ZFAT: variants seen among roughly 807,000 people sequenced by gnomAD.
ZFAT encodes zinc finger protein ZFAT.
ZFAT carries 64 observed loss-of-function variants against 117.7 expected under a neutral mutation model. The observed-to-expected ratio is 0.54, with a 90% CI of 0.44 to 0.67. The LOEUF is 0.67. Ranked by LOEUF, ZFAT falls within the 30% of genes least tolerant of loss-of-function variation. The pLI, the probability that ZFAT is intolerant of heterozygous loss-of-function variation, is 0.00. For synonymous variants in ZFAT, 679 were observed against 615.0 expected, an observed-to-expected ratio of 1.10 and a Z score of -1.54; for missense variants, 1,433 against 1,584.5, an observed-to-expected ratio of 0.90 and a Z score of 1.62.
At chr8:134,770,705 C>A in the ZFAT span, among the ~76,000 whole-genome samples, 1 of 152,332 alleles carries the variant, frequency 6.6e-6, no homozygotes, top group South Asian at 2.1e-4. Context: ...AGCCATATTT[C>A]TCTTCTTTCA....
At chr8:134,526,276 T>C (rs1157969652) in intron 12 of ZFAT, among the ~76,000 whole-genome samples, 2 of 152,212 alleles carry the variant, frequency 1.3e-5, no homozygotes, top group Non-Finnish European at 2.9e-5. Context: ...CTTCAGCCTT[T>C]GCCACAGTGA....
At chr8:134,733,277 A>C in the ZFAT span, among the ~76,000 whole-genome samples, 6 of 152,220 alleles carry the variant, frequency 3.9e-5, no homozygotes, top group Admixed American at 2.6e-4. Context: ...GGGAAGAAGC[A>C]CAGCTTCTCA....
At chr8:134,505,748 C>G (rs1198736560) in intron 15 of ZFAT, among the ~76,000 whole-genome samples, 1 of 152,266 alleles carries the variant, frequency 6.6e-6, no homozygotes, top group East Asian at 1.9e-4. Context: ...GAATCTTTCC[C>G]AGAAACACTG....
intron 1 of ZFAT, among the ~76,000 whole-genome samples, chr8:134,677,321 T>C (rs866752725): frequency 1.3e-5 from 2 of 152,236 alleles, no homozygotes; most frequent in African/African-American, 4.8e-5. Context: ...AACACCTCTA[T>C]GCAAATAAAC....
chr8:134,532,761 G>A, intron 12 of ZFAT, 73 bp downstream of exon 12: 1 of 1,562,570 alleles, frequency 6.4e-7, no homozygotes, highest in South Asian at 1.2e-5. Context: ...CAGGATGTCA[G>A]CAGCTCTTCC....
intron 12 of ZFAT, among the ~76,000 whole-genome samples, chr8:134,525,554 T>C (rs1820967223): frequency 6.6e-6 from 1 of 152,234 alleles, no homozygotes; most frequent in Non-Finnish European, 1.5e-5. Flanking sequence ...GCAGTTTTGA[T>C]GCGCTCAATC....
At chr8:134,634,767 T>C (rs1830103464) in intron 3 of ZFAT, among the ~76,000 whole-genome samples, 1 of 152,176 alleles carries the variant, frequency 6.6e-6, no homozygotes, top group Admixed American at 6.5e-5. Context: ...GTGAGGGTCT[T>C]GAACATGCAG....
intron 6 of ZFAT, 46 bp downstream of exon 6, chr8:134,601,431 A>G: frequency 6.4e-7 from 1 of 1,553,164 alleles, no homozygotes; most frequent in South Asian, 1.2e-5. Context: ...TGACCACAGC[A>G]TGATGGTTGT....
At chr8:134,657,289 C>T (rs921316078) in intron 2 of ZFAT, among the ~76,000 whole-genome samples, 29 of 152,324 alleles carry the variant, frequency 1.9e-4, no homozygotes, top group Non-Finnish European at 2.6e-4. Context: ...CTGGGTTAAA[C>T]CCACACTTGT....
At chr8:134,793,332 T>C in the ZFAT span, 1 of 152,320 alleles carries the variant, frequency 6.6e-6, no homozygotes, top group South Asian at 2.1e-4. Context: ...GAGGACCAAC[T>C]ACCTTGGAGT....
At chr8:134,670,374 TA>T (rs1832496313) in intron 1 of ZFAT, among the ~76,000 whole-genome samples, 1 of 152,214 alleles carries the variant, frequency 6.6e-6, no homozygotes, top group Admixed American at 6.5e-5. Flanking sequence ...TCAGCAAATG[TA>T]AAAGAACAGA....
chr8:134,652,016 T>C (rs1421909755), intron 2 of ZFAT, among the ~76,000 whole-genome samples: 6 of 151,024 alleles, frequency 4.0e-5, no homozygotes, highest in African/African-American at 1.2e-4. Flanking sequence ...GAAAAATATA[T>C]ATTAAAAATA....
chr8:134,549,455 A>AG (rs1398995193), intron 11 of ZFAT, among the ~76,000 whole-genome samples: 1 of 151,618 alleles, frequency 6.6e-6, no homozygotes, highest in Non-Finnish European at 1.5e-5. Flanking sequence ...AAAAAAAAAA[A>AG]AAAAAAGAAG....
the ZFAT span, chr8:134,785,915 A>AT: frequency 1.3e-5 from 2 of 152,086 alleles, no homozygotes; most frequent in African/African-American, 4.8e-5. Flanking sequence ...TAATGCACTG[A>AT]TTTTTCCCAT....
intron 1 of ZFAT, among the ~76,000 whole-genome samples, chr8:134,676,882 T>C (rs1331684676): frequency 6.6e-6 from 1 of 152,156 alleles, no homozygotes; most frequent in African/African-American, 2.4e-5. Flanking sequence ...GAAATAAAGA[T>C]GTTCTTTGAA....
At chr8:134,492,052 T>C (rs866084238) in intron 15 of ZFAT, among the ~76,000 whole-genome samples, 1 of 151,686 alleles carries the variant, frequency 6.6e-6, no homozygotes, top group Non-Finnish European at 1.5e-5. Context: ...CAGTCATGCA[T>C]GTGTAGGAAT....
At chr8:134,637,056 CA>C (rs1830259818) in intron 3 of ZFAT, among the ~76,000 whole-genome samples, 1 of 152,238 alleles carries the variant, frequency 6.6e-6, no homozygotes, top group African/African-American at 2.4e-5. Flanking sequence ...CAATGCCACC[CA>C]AACTGTGACA....
At chr8:134,725,484 G>A in the ZFAT span, among the ~76,000 whole-genome samples, 8 of 152,196 alleles carry the variant, frequency 5.3e-5, no homozygotes, top group South Asian at 2.1e-4. Context: ...AGAGAGGGAC[G>A]GGGAGAGGTG....
chr8:134,731,957 G>T, the ZFAT span, among the ~76,000 whole-genome samples: 5 of 152,170 alleles, frequency 3.3e-5, no homozygotes, highest in Non-Finnish European at 7.3e-5. Flanking sequence ...GAAAACAGGG[G>T]CCCAGAGTGG....
Sources: gnomAD v4.1 joint callset for allele counts (sites outside exome capture counted in the v4.1 genomes callset) on GRCh38, gnomAD v4.1.1 for gene constraint, MANE v1.5 for transcripts, NCBI Gene and HGNC (gene_info 2026-07-23, HGNC 2026-07-21) for gene names.